The following CORO2B variants were observed in gnomAD, a reference collection of about 807,000 sequenced individuals.
CORO2B encodes coronin-2B.
CORO2B carries 26 observed loss-of-function variants against 58.8 expected under a neutral mutation model. That is an observed-to-expected ratio of 0.44 (90% CI 0.32 to 0.61). The LOEUF (loss-of-function observed/expected upper bound fraction) is 0.61, where lower values mean the gene tolerates loss of function less well. Among genes scored for constraint, CORO2B ranks in the 20% least tolerant of loss-of-function variants. The pLI is 0.04. For missense variants in CORO2B, 460 were observed against 645.1 expected, an observed-to-expected ratio of 0.71 and a Z score of 3.11; for synonymous variants, 242 against 253.8, an observed-to-expected ratio of 0.95 and a Z score of 0.44.
intron 2 of CORO2B, among the ~76,000 whole-genome samples, chr15:68,653,406 C>A (rs1452634947): frequency 6.6e-6 from 1 of 152,152 alleles, no homozygotes; most frequent in Non-Finnish European, 1.5e-5. Context: ...CACAGTAGAT[C>A]CTCAGCCAAG....
At chr15:68,666,230 G>A (rs767254676) in intron 2 of CORO2B, among the ~76,000 whole-genome samples, 4 of 152,148 alleles carry the variant, frequency 2.6e-5, no homozygotes, top group Non-Finnish European at 5.9e-5. Context: ...TCTGGGTAGC[G>A]GACATAAAAC....
chr15:68,567,312 C>T, the CORO2B span, among the ~76,000 whole-genome samples: 2 of 151,966 alleles, frequency 1.3e-5, no homozygotes, highest in African/African-American at 4.8e-5. Flanking sequence ...AAGTTCAAAG[C>T]GGCCAAAGCA....
chr15:68,610,277 C>T (rs1350105841), intron 1 of CORO2B, among the ~76,000 whole-genome samples: 1 of 152,120 alleles, frequency 6.6e-6, no homozygotes, highest in African/African-American at 2.4e-5. Context: ...TAGCGCCTCG[C>T]CTCGTTTACA....
intron 3 of CORO2B, among the ~76,000 whole-genome samples, chr15:68,703,275 C>T (rs1349335415): frequency 6.6e-6 from 1 of 151,018 alleles, no homozygotes; most frequent in Admixed American, 6.6e-5. Context: ...CTCAGCTTCC[C>T]GAGTAGCTGG....
intron 3 of CORO2B, among the ~76,000 whole-genome samples, chr15:68,701,645 C>T (rs1309977918): frequency 1.3e-5 from 2 of 151,818 alleles, no homozygotes; most frequent in Non-Finnish European, 2.9e-5. Flanking sequence ...GCCACCATGC[C>T]CGGCTAATTT....
chr15:68,538,913 G>C, the CORO2B span, among the ~76,000 whole-genome samples: 1 of 152,170 alleles, frequency 6.6e-6, no homozygotes, highest in East Asian at 1.9e-4. Flanking sequence ...TTTCTAAGAG[G>C]TCAGTTGGCT....
At position 68,727,687 on chromosome 15, in the gene CORO2B, C is replaced by G. The variant is rs557757847; in HGVS notation, c.*1713C>G. 1 of 152,716 alleles carries G rather than the reference C, an allele frequency of 6.5e-6. No homozygotes were observed. The highest frequency in any genetic ancestry group is 1.9e-4 in the East Asian group (1 of 5,184). The allele number at this position is 152,716 out of a possible 1,614,324, so 9.5% of individuals were successfully genotyped here. ...GCTAGACAGTGTCAGCACTCATCTC[C>G]TCCTCCCACATTTCTGGAGCTTTTT... On this transcript the variant is annotated 3_prime_UTR_variant, in exon 12 of 12. Coordinates refer to ENST00000261861, the MANE Select transcript of CORO2B (RefSeq NM_006091.5).
the CORO2B span, among the ~76,000 whole-genome samples, chr15:68,548,570 G>A: frequency 2.6e-5 from 4 of 152,184 alleles, no homozygotes; most frequent in African/African-American, 9.7e-5. Flanking sequence ...GCGTACATAT[G>A]AAAGTTTCTC....
At chr15:68,699,832 A>G (rs150019317) in intron 3 of CORO2B, among the ~76,000 whole-genome samples, 33 of 152,304 alleles carry the variant, frequency 2.2e-4, no homozygotes, top group Middle Eastern at 3.4e-3. Flanking sequence ...GCCCCTCACC[A>G]GTGGCCCTGG....
chr15:68,721,442 A>G (rs1050597439), intron 11 of CORO2B, among the ~76,000 whole-genome samples: 2 of 152,150 alleles, frequency 1.3e-5, no homozygotes, highest in Non-Finnish European at 2.9e-5. Flanking sequence ...GCCGTAGCTC[A>G]TGCCTGTAAT....
At chr15:68,651,233 C>A (rs1421216440) in intron 2 of CORO2B, among the ~76,000 whole-genome samples, 1 of 152,206 alleles carries the variant, frequency 6.6e-6, no homozygotes, top group Non-Finnish European at 1.5e-5. Context: ...GCCGGCTTCC[C>A]CTGCCGCCCA....
the CORO2B span, among the ~76,000 whole-genome samples, chr15:68,562,876 C>A: frequency 6.6e-6 from 1 of 151,396 alleles, no homozygotes; most frequent in Non-Finnish European, 1.5e-5. Context: ...ACTCGGGAGG[C>A]TGAGGCAGGA....
chr15:68,696,240 C>T (rs1472213293), intron 3 of CORO2B, among the ~76,000 whole-genome samples: 1 of 148,876 alleles, frequency 6.7e-6, no homozygotes, highest in Non-Finnish European at 1.5e-5. Context: ...ACAGAATGAG[C>T]CACTGTCTCA....
At chr15:68,524,087 G>A in the CORO2B span, among the ~76,000 whole-genome samples, 606 of 152,006 alleles carry the variant, frequency 4.0e-3, 6 homozygotes, top group African/African-American at 0.014. Flanking sequence ...TTAGCTGAGT[G>A]TGGTGGTGCA....
intron 1 of CORO2B, among the ~76,000 whole-genome samples, chr15:68,595,506 T>C (rs1179616235): frequency 6.6e-6 from 1 of 152,194 alleles, no homozygotes; most frequent in Non-Finnish European, 1.5e-5. Flanking sequence ...TTTAGGGGAC[T>C]GGGATCCCCT....
chr15:68,586,610 A>G (rs546834692), intron 1 of CORO2B, among the ~76,000 whole-genome samples: 1 of 152,294 alleles, frequency 6.6e-6, no homozygotes, highest in East Asian at 1.9e-4. Context: ...CTTTACAGAT[A>G]AGGACACAGG....
intron 5 of CORO2B, among the ~76,000 whole-genome samples, chr15:68,713,707 T>G (rs1892969572): frequency 6.6e-6 from 1 of 152,168 alleles, no homozygotes; most frequent in African/African-American, 2.4e-5. Context: ...ACAAGGACAC[T>G]CATGATGGCA....
At chr15:68,713,855 C>T (rs1596034662) in intron 5 of CORO2B, 70 bp from the exon 6 acceptor site, 1 of 1,026,482 alleles carries the variant, frequency 9.7e-7, no homozygotes, top group East Asian at 2.4e-5. Context: ...TTTTCGGGAC[C>T]ACCATTCATG....
chr15:68,589,680 C>T (rs1036314698), intron 1 of CORO2B, among the ~76,000 whole-genome samples: 5 of 152,114 alleles, frequency 3.3e-5, no homozygotes, highest in African/African-American at 4.8e-5. Context: ...AGTAGTTGCC[C>T]GATGTTGGCA....
Sources: allele counts gnomAD v4.1 joint callset (sites outside exome capture counted in the v4.1 genomes callset), GRCh38; gene constraint gnomAD v4.1.1; transcripts MANE v1.5; gene names NCBI Gene and HGNC (gene_info 2026-07-23, HGNC 2026-07-21).